DOCK2: variants seen among roughly 807,000 people sequenced by gnomAD.
DOCK2 encodes the protein dedicator of cytokinesis 2.
A neutral mutation model predicts 248.9 loss-of-function variants in DOCK2; 87 were observed. The ratio of observed to expected loss-of-function variants is 0.35; its 90% CI spans 0.29 to 0.42. The LOEUF (loss-of-function observed/expected upper bound fraction) is 0.42, where lower values mean the gene tolerates loss of function less well. Ranked by LOEUF, DOCK2 falls within the 10% of genes least tolerant of loss-of-function variation. The pLI is 1.00. For synonymous variants in DOCK2, 805 were observed against 821.6 expected (o/e 0.98, Z 0.35); for missense variants, 1,747 against 2,300.2 (o/e 0.76, Z 4.92).
chr5:169,696,848 A>T (rs1201787290), intron 10 of DOCK2, among the ~76,000 whole-genome samples: 6 of 148,728 alleles, frequency 4.0e-5, no homozygotes, highest in Non-Finnish European at 8.9e-5. Context: ...TTAACCTGGC[A>T]CTGCGGCTAG....
At chr5:169,784,895 T>C (rs1198723949) in intron 25 of DOCK2, among the ~76,000 whole-genome samples, 2 of 152,328 alleles carry the variant, frequency 1.3e-5, no homozygotes, top group East Asian at 3.9e-4. Context: ...TTATGATGAA[T>C]ACATAGCAGG....
At chr5:169,891,995 CAAAAAAA>C (rs571918885) in intron 27 of DOCK2, among the ~76,000 whole-genome samples, 24 of 64,230 alleles carry the variant, frequency 3.7e-4, no homozygotes, top group African/African-American at 1.2e-3. Context: ...GATTCCGTCC[CAAAAAAA>C]AAAAAAAAAA....
intron 41 of DOCK2, 32 bp from the exon 42 acceptor site, chr5:170,055,273 C>G (rs374947706): frequency 1.2e-5 from 19 of 1,606,622 alleles, no homozygotes; most frequent in Non-Finnish European, 1.6e-5. Context: ...CCGCAGCCAA[C>G]AGATATAAGT....
chr5:169,758,211 T>C (rs936125939), intron 23 of DOCK2, among the ~76,000 whole-genome samples: 1 of 152,202 alleles, frequency 6.6e-6, no homozygotes, highest in African/African-American at 2.4e-5. Context: ...GAAGGCAGGA[T>C]GCCACTGGTG....
At chr5:169,925,429 A>C (rs920264482) in intron 27 of DOCK2, among the ~76,000 whole-genome samples, 31 of 152,202 alleles carry the variant, frequency 2.0e-4, no homozygotes, top group Admixed American at 1.8e-3. Context: ...AAATTACAAA[A>C]ATTAACTGAG....
At chr5:169,807,534 A>C (rs896906904) in intron 26 of DOCK2, among the ~76,000 whole-genome samples, 1 of 152,152 alleles carries the variant, frequency 6.6e-6, no homozygotes, top group Non-Finnish European at 1.5e-5. Context: ...CCAGTCTATA[A>C]AATCTAGCAT....
chr5:170,058,493 A>G (rs1285368478), intron 44 of DOCK2, among the ~76,000 whole-genome samples: 1 of 152,218 alleles, frequency 6.6e-6, no homozygotes, highest in Non-Finnish European at 1.5e-5. Flanking sequence ...TAGGGTAGTC[A>G]GAGAATGCTT....
chr5:169,897,959 C>T (rs1361037560), intron 27 of DOCK2, among the ~76,000 whole-genome samples: 1 of 152,164 alleles, frequency 6.6e-6, no homozygotes, highest in African/African-American at 2.4e-5. Context: ...AATAAAGGAG[C>T]AGGCTAGCTA....
intron 25 of DOCK2, among the ~76,000 whole-genome samples, chr5:169,792,399 G>A (rs1312531607): frequency 2.0e-5 from 3 of 147,222 alleles, no homozygotes; most frequent in African/African-American, 7.9e-5. Flanking sequence ...ATGTATATGT[G>A]TATATATATT....
chr5:169,706,379 A>G (rs927247504), intron 14 of DOCK2, among the ~76,000 whole-genome samples: 4 of 152,220 alleles, frequency 2.6e-5, no homozygotes, highest in African/African-American at 9.7e-5. Context: ...GGAACACTGG[A>G]TGAGTATTTA....
At chr5:170,081,174 T>G in intron 50 of DOCK2, 1 of 152,678 alleles carries the variant, frequency 6.5e-6, no homozygotes, top group Non-Finnish European at 1.5e-5. Flanking sequence ...AGAGACTGAG[T>G]TCAGACCCAG....
chr5:169,991,054 G>C (rs145873676), intron 29 of DOCK2, among the ~76,000 whole-genome samples: 150 of 152,386 alleles, frequency 9.8e-4, no homozygotes, highest in African/African-American at 3.2e-3. Flanking sequence ...TCCTTTTACA[G>C]ATGGGGCAGT....
At chr5:169,659,302 G>A (rs542538440) in intron 2 of DOCK2, among the ~76,000 whole-genome samples, 3 of 152,220 alleles carry the variant, frequency 2.0e-5, no homozygotes, top group South Asian at 4.1e-4. Flanking sequence ...TGTTAAGTGG[G>A]TTGTTTTCAC....
chr5:169,865,577 G>A (rs1439915327), intron 27 of DOCK2, among the ~76,000 whole-genome samples: 1 of 152,202 alleles, frequency 6.6e-6, no homozygotes, highest in Admixed American at 6.5e-5. Flanking sequence ...TTACAGAGGA[G>A]TTTTCAGTGC....
intron 14 of DOCK2, among the ~76,000 whole-genome samples, chr5:169,707,413 C>T (rs1761331048): frequency 6.6e-6 from 1 of 152,216 alleles, no homozygotes; most frequent in Non-Finnish European, 1.5e-5. Context: ...AACAAATCTT[C>T]CCTGATTCCT....
At chr5:170,010,053 A>T (rs1755225721) in intron 32 of DOCK2, among the ~76,000 whole-genome samples, 1 of 152,198 alleles carries the variant, frequency 6.6e-6, no homozygotes, top group East Asian at 1.9e-4. Flanking sequence ...TATGAGGGTC[A>T]TCAGAGCACA....
intron 33 of DOCK2, among the ~76,000 whole-genome samples, chr5:170,019,752 G>A (rs1755657009): frequency 1.3e-5 from 2 of 152,276 alleles, no homozygotes; most frequent in South Asian, 4.1e-4. Flanking sequence ...GGCAGTGGAA[G>A]AAGCACCAGT....
rs903525312 is a variant in DOCK2 at position 169,637,486 on chromosome 5, A to G, written c.43+117A>G. 4 of 1,162,438 alleles carry G rather than the reference A, an allele frequency of 3.4e-6. No individual in the cohort carries two copies. The African/African-American group carries it at 4.8e-5, about 14-fold the overall frequency. 72.0% of individuals were successfully genotyped at this position (1,162,438 alleles called of 1,614,324 possible). On this transcript the variant is annotated intron_variant, in intron 1 of 51. Coordinates refer to ENST00000520908, the MANE Select transcript of DOCK2 (RefSeq NM_004946.3). The stretch of plus-strand genomic sequence containing the variant: ...GGGCAGGGCGCGCTGCCTGCAGGTC[A>G]GAGGGCGCAGCCTGCGGCGGGGCCT...
chr5:169,647,664 TC>T (rs1170259522), intron 1 of DOCK2, among the ~76,000 whole-genome samples: 1 of 151,868 alleles, frequency 6.6e-6, no homozygotes, highest in African/African-American at 2.4e-5. Flanking sequence ...CAAGCTGGTT[TC>T]CCCCCTCTCT....
Sources: gnomAD v4.1 joint callset for allele counts (sites outside exome capture counted in the v4.1 genomes callset) on GRCh38, gnomAD v4.1.1 for gene constraint, MANE v1.5 for transcripts, NCBI Gene and HGNC (gene_info 2026-07-23, HGNC 2026-07-21) for gene names.